Variants in MARCHF1 observed in about 807,000 individuals in gnomAD.
MARCHF1 encodes E3 ubiquitin-protein ligase MARCHF1.
Under a neutral mutation model 54.2 loss-of-function variants are expected in MARCHF1, and 40 were observed. That is an observed-to-expected ratio of 0.74 (90% CI 0.57 to 0.96). The LOEUF is 0.96. Among genes scored for constraint, MARCHF1 ranks in the 40% least tolerant of loss-of-function variants. The pLI, the probability that MARCHF1 is intolerant of heterozygous loss-of-function variation, is 0.00. For synonymous variants in MARCHF1, 236 were observed against 236.3 expected (o/e 1.00, Z 0.01); for missense variants, 586 against 656.5 (o/e 0.89, Z 1.17).
At chr4:163,939,882 A>C (rs1174540541) in intron 3 of MARCHF1, among the ~76,000 whole-genome samples, 1 of 152,188 alleles carries the variant, frequency 6.6e-6, no homozygotes, top group African/African-American at 2.4e-5. Context: ...TCAATGCAGA[A>C]TAGAAAGGTG....
intron 4 of MARCHF1, among the ~76,000 whole-genome samples, chr4:163,728,792 C>A (rs1745744596): frequency 6.6e-6 from 1 of 152,106 alleles, no homozygotes; most frequent in Admixed American, 6.5e-5. Context: ...ATTTTGTTTC[C>A]TTTTCTTGTC....
chr4:164,079,043 T>C (rs952417209), intron 2 of MARCHF1, among the ~76,000 whole-genome samples: 23 of 152,304 alleles, frequency 1.5e-4, no homozygotes, highest in African/African-American at 5.5e-4. Context: ...TTTTCTTATT[T>C]TTATGAAGGT....
chr4:163,840,640 A>G (rs1749310925), intron 4 of MARCHF1, among the ~76,000 whole-genome samples: 1 of 152,112 alleles, frequency 6.6e-6, no homozygotes, highest in South Asian at 2.1e-4. Context: ...AGGGGCTGGA[A>G]GGTGGCGGAA....
intron 1 of MARCHF1, among the ~76,000 whole-genome samples, chr4:164,228,255 G>T (rs999881755): frequency 6.6e-6 from 1 of 152,086 alleles, no homozygotes; most frequent in African/African-American, 2.4e-5. Flanking sequence ...GATGACAGCG[G>T]GTTAAATTTG....
At chr4:163,926,169 C>A (rs1019717790) in intron 3 of MARCHF1, among the ~76,000 whole-genome samples, 1 of 151,690 alleles carries the variant, frequency 6.6e-6, no homozygotes, top group Non-Finnish European at 1.5e-5. Context: ...CTTTGTCCCA[C>A]AAAGGCAGCC....
intron 2 of MARCHF1, among the ~76,000 whole-genome samples, chr4:164,039,495 C>T (rs1052707212): frequency 1.3e-5 from 2 of 152,254 alleles, no homozygotes; most frequent in Middle Eastern, 3.4e-3. Context: ...AAGGCTCATG[C>T]AATTACAGTT....
At chr4:163,840,986 T>C (rs910743312) in intron 4 of MARCHF1, among the ~76,000 whole-genome samples, 26 of 150,596 alleles carry the variant, frequency 1.7e-4, no homozygotes, top group African/African-American at 6.3e-4. Flanking sequence ...TTAAAAAAAA[T>C]CTCTGTACTG....
At chr4:163,844,365 C>G (rs1171090290) in intron 4 of MARCHF1, among the ~76,000 whole-genome samples, 2 of 152,050 alleles carry the variant, frequency 1.3e-5, no homozygotes, top group African/African-American at 4.8e-5. Context: ...TTCTCCCATC[C>G]TATATGTTGT....
rs147520413 is a variant in MARCHF1, at chr4:164,139,979, G to A, written c.-322-28317C>T. ...CCCCAACCCCCAATAATAAAGGCTT[G>A]TTAATTGATCTGTTTTTTCAGGTAT... On this transcript the variant is annotated intron_variant, in intron 1 of 9. Coordinates refer to ENST00000514618, the MANE Select transcript of MARCHF1 (RefSeq NM_001394959.1). 1.4e-3 allele frequency among the ~76,000 whole-genome samples: 215 copies of A among 152,058 alleles called. 7 individuals carry two copies. The East Asian group carries it at 0.034, about 24-fold the overall frequency.
intron 2 of MARCHF1, among the ~76,000 whole-genome samples, chr4:164,107,516 C>A (rs1158504930): frequency 1.3e-5 from 2 of 152,068 alleles, no homozygotes; most frequent in Non-Finnish European, 1.5e-5. Context: ...GCAAGTACCA[C>A]CACGCTCTGC....
chr4:164,349,185 T>C (rs776318657), intron 1 of MARCHF1, among the ~76,000 whole-genome samples: 1 of 152,210 alleles, frequency 6.6e-6, no homozygotes, highest in Non-Finnish European at 1.5e-5. Context: ...CATAAGTTCA[T>C]GTTTAGCTTC....
chr4:164,049,237 C>T (rs568669542), intron 2 of MARCHF1, among the ~76,000 whole-genome samples: 24 of 152,142 alleles, frequency 1.6e-4, no homozygotes, highest in Admixed American at 7.2e-4. Flanking sequence ...AAGTGCCACA[C>T]TTAAAACCAT....
Position 164,345,928 on chromosome 4 carries a change from T to C in MARCHF1, c.-323+37942A>G, listed in dbSNP as rs189475808. Among the ~76,000 whole-genome samples the C allele has an allele frequency of 3.0e-3, 462 of 152,320 alleles. 7 individuals carry two copies. Among genetic ancestry groups the C allele is most frequent in the Admixed American group, 0.027 (412 of 15,286 alleles). ...AGAGATATACTAAAGCCCATTTTAATGACTCACAATAAAATCATTCATGAT... is the reference window on the plus strand; with the variant it reads ...AGAGATATACTAAAGCCCATTTTAACGACTCACAATAAAATCATTCATGAT... On this transcript the variant is annotated intron_variant, in intron 1 of 9. Transcript: ENST00000514618.
At chr4:163,931,171 T>C (rs1441070907) in intron 3 of MARCHF1, among the ~76,000 whole-genome samples, 1 of 152,148 alleles carries the variant, frequency 6.6e-6, no homozygotes, top group African/African-American at 2.4e-5. Flanking sequence ...CTGCATTGGA[T>C]GGAACCTCAA....
intron 5 of MARCHF1, among the ~76,000 whole-genome samples, chr4:163,646,242 AT>A (rs900893337): frequency 4.7e-5 from 6 of 128,154 alleles, no homozygotes; most frequent in Non-Finnish European, 9.1e-5. Flanking sequence ...CTGACATGAA[AT>A]TAAAAAAAAC....
chr4:163,998,285 T>C (rs2110911437), intron 2 of MARCHF1, among the ~76,000 whole-genome samples: 1 of 151,520 alleles, frequency 6.6e-6, no homozygotes, highest in South Asian at 2.1e-4. Flanking sequence ...GTCATTCAGA[T>C]TTTTAAAAAC....
intron 1 of MARCHF1, among the ~76,000 whole-genome samples, chr4:164,265,804 C>G (rs1733596736): frequency 6.6e-6 from 1 of 152,026 alleles, no homozygotes; most frequent in Admixed American, 6.6e-5. Context: ...GAGTATTTTT[C>G]CCCTGACAAA....
At chr4:163,777,659 G>A (rs1323487492) in intron 4 of MARCHF1, among the ~76,000 whole-genome samples, 1 of 151,912 alleles carries the variant, frequency 6.6e-6, no homozygotes, top group East Asian at 1.9e-4. Context: ...AAATTTTTAG[G>A]GGTATAAAGA....
intron 3 of MARCHF1, among the ~76,000 whole-genome samples, chr4:163,898,411 A>G (rs1267902533): frequency 6.6e-6 from 1 of 152,330 alleles, no homozygotes; most frequent in East Asian, 1.9e-4. Flanking sequence ...AAATATGAGT[A>G]GTCAACAAGC....
Sources: allele counts gnomAD v4.1 joint callset (sites outside exome capture counted in the v4.1 genomes callset), GRCh38; gene constraint gnomAD v4.1.1; transcripts MANE v1.5; gene names NCBI Gene and HGNC (gene_info 2026-07-23, HGNC 2026-07-21).